Variants in AKIRIN1 observed in about 807,000 individuals in gnomAD.
The protein encoded by AKIRIN1 is akirin-1.
Under a neutral mutation model 25.9 loss-of-function variants are expected in AKIRIN1, and 4 were observed. The observed-to-expected ratio is 0.15, with a 90% CI of 0.08 to 0.35. AKIRIN1 has a LOEUF of 0.35. Among genes scored for constraint, AKIRIN1 ranks in the 10% least tolerant of loss-of-function variants. The pLI, the probability that AKIRIN1 is intolerant of heterozygous loss-of-function variation, is 1.00. For synonymous variants in AKIRIN1, 125 were observed against 105.1 expected (o/e 1.19, Z -1.16); for missense variants, 243 against 266.1 (o/e 0.91, Z 0.61).
intron 3 of AKIRIN1, among the ~76,000 whole-genome samples, chr1:39,002,646 C>T (rs918648974): frequency 2.0e-4 from 30 of 151,978 alleles, no homozygotes; most frequent in African/African-American, 6.3e-4. Context: ...AGGAGAATGG[C>T]GTGAATCGGG....
chr1:38,994,672 A>ATTTTTTTTTTTTTTTTTTTTTTTTTT (rs10528399), intron 1 of AKIRIN1, among the ~76,000 whole-genome samples: 5 of 63,556 alleles, frequency 7.9e-5, no homozygotes, highest in East Asian at 1.5e-3. Flanking sequence ...CGCTCGGCTA[A>ATTTTTTTTTTTTTTTTTTTTTTTTTT]TTTTTTTTTT....
rs1643961609 is a variant in AKIRIN1, at chr1:38,998,210, A to T, written c.260A>T (p.Tyr87Phe). 1 of 1,613,670 alleles carries T rather than the reference A, an allele frequency of 6.2e-7. No individual in the cohort carries two copies. The change falls in exon 2 of 5, where the codon TAT (tyrosine) becomes TTT (phenylalanine). Residue 87 changes from tyrosine to phenylalanine, a missense_variant. Physicochemically the swap from Tyr to Phe is conservative, Grantham distance 22 (BLOSUM62 3). Transcript: ENST00000432648. Reference protein sequence around the residue: ...FQNIKQEYSRYQRWRHLEVVL... With the variant: ...FQNIKQEYSRFQRWRHLEVVL... ...AACATAAAACAAGAATATAGTCGTTATCAGAGGTGGAGACATTTAGAAGTT... is the reference window on the plus strand; with the variant it reads ...AACATAAAACAAGAATATAGTCGTTTTCAGAGGTGGAGACATTTAGAAGTT...
intron 3 of AKIRIN1, 145 bp from the exon 4 acceptor site, chr1:39,003,202 C>A: frequency 1.4e-6 from 1 of 738,332 alleles, no homozygotes; most frequent in Non-Finnish European, 2.3e-6. Context: ...TATATAAGGT[C>A]ACTGGACTTT....
intron 2 of AKIRIN1, 86 bp downstream of exon 2, chr1:38,998,397 T>C: frequency 7.3e-7 from 1 of 1,375,726 alleles, no homozygotes; most frequent in South Asian, 1.6e-5. Context: ...CCTCCTCTAA[T>C]GTAATAGAAT....
intron 2 of AKIRIN1, 65 bp downstream of exon 2, chr1:38,998,376 TC>T: frequency 6.7e-7 from 1 of 1,496,664 alleles, no homozygotes; most frequent in South Asian, 1.3e-5. Flanking sequence ...TAATGATGAA[TC>T]TAGAATTGGC....
rs1644028072 is a variant in AKIRIN1 at position 39,005,489 on chromosome 1, G to T, written c.*1434G>T. On this transcript the variant is annotated 3_prime_UTR_variant, in exon 5 of 5. Transcript: ENST00000432648. ...CAGAAAGTAGCCTCTGTTTTGAGGA[G>T]GTGGAAGTTAAGTATACATTTATTT... 1 of 152,100 alleles carries T rather than the reference G, an allele frequency of 6.6e-6. No homozygotes were observed. The highest frequency in any genetic ancestry group is 2.4e-5 in the African/African-American group (1 of 41,416). The allele number at this position is 152,100 out of a possible 1,614,324, so 9.4% of individuals were successfully genotyped here.
chr1:38,995,388 G>A (rs959566435), intron 1 of AKIRIN1, among the ~76,000 whole-genome samples: 1 of 152,100 alleles, frequency 6.6e-6, no homozygotes, highest in African/African-American at 2.4e-5. Context: ...GAAAAAATCT[G>A]GCAGCACAAC....
At chr1:39,000,681 C>T (rs1337502114) in intron 2 of AKIRIN1, among the ~76,000 whole-genome samples, 1 of 149,148 alleles carries the variant, frequency 6.7e-6, no homozygotes, top group African/African-American at 2.5e-5. Flanking sequence ...TTTGAGATGG[C>T]GTTTTACTCT....
In AKIRIN1 at chr1:38,999,219, A is replaced by G. The variant is rs1233724593; in HGVS notation, c.361+908A>G. Among the ~76,000 whole-genome samples the G allele has an allele frequency of 2.6e-5, 4 of 152,232 alleles. No homozygotes were observed. In the East Asian group the frequency reaches 7.7e-4, roughly 29 times the overall value. On this transcript the variant is annotated intron_variant, in intron 2 of 4. Coordinates refer to ENST00000432648, the MANE Select transcript of AKIRIN1 (RefSeq NM_024595.3). Reference sequence around the variant, plus strand: ...CAGTAGAAGAGTCTTATTTCCTCACAAAGTATTCTACTTAACAGTTCTAAA... The same window carrying G: ...CAGTAGAAGAGTCTTATTTCCTCACGAAGTATTCTACTTAACAGTTCTAAA...
At chr1:38,991,848 A>G (rs1178058010) in intron 1 of AKIRIN1, among the ~76,000 whole-genome samples, 1 of 152,070 alleles carries the variant, frequency 6.6e-6, no homozygotes, top group Non-Finnish European at 1.5e-5. Context: ...GGTGGACACC[A>G]AGAGGAAGAT....
In AKIRIN1 at chr1:39,003,375, A is replaced by G; in HGVS notation, c.525A>G (p.Thr175=). ...AEQYESFVKF[T]HDQIMRRYGT... ...AATATGAATCTTTTGTGAAATTCACACATGATCAGATTATGCGACGGTATG... is the reference window on the plus strand; with the variant it reads ...AATATGAATCTTTTGTGAAATTCACGCATGATCAGATTATGCGACGGTATG... The change falls in exon 4 of 5, where the codon ACA becomes ACG. Residue 175 remains threonine (T), a synonymous_variant. Coordinates refer to ENST00000432648, the MANE Select transcript of AKIRIN1 (RefSeq NM_024595.3). 6.2e-7 allele frequency: 1 copy of G among 1,613,892 alleles called. No individual in the cohort carries two copies. Among genetic ancestry groups the G allele is most frequent in the Non-Finnish European group, 8.5e-7 (1 of 1,179,960 alleles).
chr1:38,998,783 G>T (rs1355582672), intron 2 of AKIRIN1, among the ~76,000 whole-genome samples: 1 of 151,812 alleles, frequency 6.6e-6, no homozygotes, highest in African/African-American at 2.4e-5. Context: ...GCTCGCAGCT[G>T]TAATCCCAGC....
chr1:38,991,584 G>A lies in AKIRIN1; in HGVS notation c.204G>A (p.Arg68=). The change falls in exon 1 of 5, where the codon CGG becomes CGA. Residue 68 remains arginine (R), a synonymous_variant. Coordinates refer to ENST00000432648, the MANE Select transcript of AKIRIN1 (RefSeq NM_024595.3). ...AGCCCGCCCCGCCCGGCAGCGAGCG[G>A]CGCCTTCCAACTCCGGGTAACCTGC... ...LQQPAPPGSE[R]RLPTPEQIFQ... is the part of the protein sequence containing the mutation. 2 of 1,331,874 alleles carry A rather than the reference G, an allele frequency of 1.5e-6. No individual in the cohort carries two copies. Among genetic ancestry groups the A allele is most frequent in the Non-Finnish European group, 1.9e-6 (2 of 1,042,308 alleles). 82.5% of individuals were successfully genotyped at this position (1,331,874 alleles called of 1,614,324 possible). A position where few individuals can be genotyped will look rare whatever the true frequency, so the allele number is the denominator to read the frequency against.
chr1:38,991,726 G>A (rs1202728955), intron 1 of AKIRIN1, 126 bp downstream of exon 1: 1 of 1,086,684 alleles, frequency 9.2e-7, no homozygotes, highest in Non-Finnish European at 1.2e-6. Flanking sequence ...TTGAGAAAAG[G>A]GAACTGGGAT....
intron 1 of AKIRIN1, among the ~76,000 whole-genome samples, chr1:38,993,920 A>G (rs1207167276): frequency 6.6e-6 from 1 of 150,476 alleles, no homozygotes; most frequent in African/African-American, 2.4e-5. Flanking sequence ...AAAATACAAA[A>G]TTAGTGGGGC....
Position 38,991,373 on chromosome 1 carries a change from T to G in AKIRIN1, c.-8T>G, listed in dbSNP as rs1007412233. 22 of 1,337,938 alleles carry G rather than the reference T, an allele frequency of 1.6e-5. No homozygotes were observed. Among genetic ancestry groups the G allele is most frequent in the Non-Finnish European group, 2.0e-5 (21 of 1,047,012 alleles). 82.9% of individuals were successfully genotyped at this position (1,337,938 alleles called of 1,614,324 possible). A position where few individuals can be genotyped will look rare whatever the true frequency, so the allele number is the denominator to read the frequency against. ...GCGTCCGCTCCCGGTCCCTGGCCCCTCAGCGGCATGGCGTGCGGGGCGACG... is the reference window on the plus strand; with the variant it reads ...GCGTCCGCTCCCGGTCCCTGGCCCCGCAGCGGCATGGCGTGCGGGGCGACG... On this transcript the variant is annotated 5_prime_UTR_variant, in exon 1 of 5. Coordinates refer to ENST00000432648, the MANE Select transcript of AKIRIN1 (RefSeq NM_024595.3).
chr1:39,005,324 C>CG lies in AKIRIN1; in HGVS notation c.*1269_*1270insG, dbSNP rs1205145881. The CG allele has an allele frequency of 1.5e-5, 1 of 65,414 alleles. No homozygotes were observed. The highest frequency in any genetic ancestry group is 4.2e-5 in the Non-Finnish European group (1 of 24,016). 4.1% of individuals were successfully genotyped at this position (65,414 alleles called of 1,614,324 possible). On this transcript the variant is annotated 3_prime_UTR_variant, in exon 5 of 5. Coordinates refer to ENST00000432648, the MANE Select transcript of AKIRIN1 (RefSeq NM_024595.3). ...CTTCGTCTCAAAAAAAAAAAAAAAA[C>CG]ATAGAATTTGGATCCTTTGGTCGGG...
At chr1:38,995,463 TA>T (rs1643941097) in intron 1 of AKIRIN1, among the ~76,000 whole-genome samples, 1 of 152,204 alleles carries the variant, frequency 6.6e-6, no homozygotes, top group African/African-American at 2.4e-5. Context: ...TTTTTCTTTT[TA>T]AAAAAATTTT....
rs1338246518 is a variant in AKIRIN1, at chr1:38,998,130, G to C, written c.221-41G>C. ...TTCTGAAGAAAGTTTGAAGAAATGA[G>C]ACAATAAAGTGAAAGCTCAAGTTTG... On this transcript the variant is annotated intron_variant, in intron 1 of 4. Transcript: ENST00000432648. 3.2e-6 allele frequency: 5 copies of C among 1,582,572 alleles called. No individual in the cohort carries two copies. In the Middle Eastern group the frequency reaches 5.5e-4, roughly 174 times the overall value.
Sources: gnomAD v4.1 joint callset for allele counts (sites outside exome capture counted in the v4.1 genomes callset) on GRCh38, gnomAD v4.1.1 for gene constraint, MANE v1.5 for transcripts, NCBI Gene and HGNC (gene_info 2026-07-23, HGNC 2026-07-21) for gene names.